UTP20: variants seen among roughly 807,000 people sequenced by gnomAD.
UTP20 encodes small subunit processome component 20 homolog.
A neutral mutation model predicts 329.5 loss-of-function variants in UTP20; 164 were observed. The ratio of observed to expected loss-of-function variants is 0.50; its 90% CI spans 0.44 to 0.57. The LOEUF is 0.57. Ranked by LOEUF, UTP20 falls within the 20% of genes least tolerant of loss-of-function variation. UTP20 has a pLI of 0.00. For synonymous variants in UTP20, 1,151 were observed against 1,159.3 expected (o/e 0.99, Z 0.14); for missense variants, 3,055 against 3,284.2 (o/e 0.93, Z 1.71).
At chr12:101,301,293 G>A (rs1044616824) in intron 14 of UTP20, among the ~76,000 whole-genome samples, 5 of 152,294 alleles carry the variant, frequency 3.3e-5, no homozygotes, top group Non-Finnish European at 4.4e-5. Context: ...GCTGAGGCGG[G>A]AGGATCACTT....
chr12:101,374,226 C>T (rs1197150417), intron 54 of UTP20, among the ~76,000 whole-genome samples: 2 of 149,878 alleles, frequency 1.3e-5, no homozygotes, highest in Admixed American at 6.6e-5. Context: ...CAGAGCGAGA[C>T]TCCGTCTCAA....
At chr12:101,338,325 A>G (rs1422320005) in intron 30 of UTP20, 48 bp downstream of exon 30, 8 of 1,583,898 alleles carry the variant, frequency 5.1e-6, no homozygotes, top group South Asian at 3.3e-5. Flanking sequence ...TGCTGTAGCA[A>G]TTGTTTCCTT....
In UTP20 at chr12:101,374,203, C is replaced by G. The variant is rs551748080; in HGVS notation, c.7131+436C>G. On this transcript the variant is annotated intron_variant, in intron 54 of 61. Transcript: ENST00000261637. ...TGAGCCGAGGTCCCGCCACTGCACTCCAGCCTGGGCGACAGAGCGAGACTC... is the reference window on the plus strand; with the variant it reads ...TGAGCCGAGGTCCCGCCACTGCACTGCAGCCTGGGCGACAGAGCGAGACTC... 6.0e-5 allele frequency among the ~76,000 whole-genome samples: 9 copies of G among 150,858 alleles called. No homozygotes were observed. In the East Asian group the frequency reaches 1.8e-3, roughly 29 times the overall value.
At chr12:101,306,099 T>C in intron 16 of UTP20, 34 bp downstream of exon 16, 1 of 1,576,652 alleles carries the variant, frequency 6.3e-7, no homozygotes, top group Non-Finnish European at 8.6e-7. Context: ...GTCCTCAGTC[T>C]CTCTTCTCCT....
intron 6 of UTP20, among the ~76,000 whole-genome samples, chr12:101,289,558 T>C (rs1872073568): frequency 6.6e-6 from 1 of 152,210 alleles, no homozygotes; most frequent in African/African-American, 2.4e-5. Context: ...GACTTATTTG[T>C]TGCTCACAAA....
intron 44 of UTP20, among the ~76,000 whole-genome samples, chr12:101,362,375 G>A (rs971873713): frequency 6.6e-6 from 1 of 152,106 alleles, no homozygotes; most frequent in Non-Finnish European, 1.5e-5. Context: ...GTTCACAGGA[G>A]CTTTATTTAT....
chr12:101,338,128 C>T lies in UTP20; in HGVS notation c.3719C>T (p.Ser1240Leu). 1 of 1,614,166 alleles carries T rather than the reference C, an allele frequency of 6.2e-7. No individual in the cohort carries two copies. ...DILTNVFAILSAKNLSDATAS... is the reference protein window; with the variant it reads ...DILTNVFAILLAKNLSDATAS... ...CTGACCAATGTTTTTGCAATTCTCT[C>T]AGCGAAGAATCTTTCTGATGCCACA... Residue 1240 changes from serine (S) to leucine (L), a missense_variant, in exon 30 of 62, where the codon TCA becomes TTA. Around this residue, in one of 3 missense-constraint regions of UTP20, gnomAD observed 2,445 missense variants for 2,575.5 expected, o/e 0.95. Transcript: ENST00000261637.
At position 101,299,570 on chromosome 12, in the gene UTP20, ATTCC is replaced by A. The variant is rs1872460020; in HGVS notation, c.1431-107_1431-104del. The stretch of plus-strand genomic sequence containing the variant: ...TTGTTTAGCTCAACCACCACCACCA[ATTCC>A]TTCCCTCTAATGCTCCACAATGGTA... On this transcript the variant is annotated intron_variant, in intron 12 of 61. Transcript: ENST00000261637. The A allele has an allele frequency of 3.8e-6, 4 of 1,042,116 alleles. No homozygotes were observed. In the South Asian group the frequency reaches 9.0e-5, roughly 23 times the overall value. The allele number at this position is 1,042,116 out of a possible 1,614,324, so 64.6% of individuals were successfully genotyped here.
chr12:101,286,103 A>G (rs180838462), intron 4 of UTP20, among the ~76,000 whole-genome samples: 83 of 152,314 alleles, frequency 5.4e-4, no homozygotes, highest in Non-Finnish European at 9.3e-4. Context: ...CTTTGACACT[A>G]TAGGAACAGT....
intron 21 of UTP20, 94 bp downstream of exon 21, chr12:101,312,370 T>G: frequency 2.0e-6 from 3 of 1,494,088 alleles, no homozygotes; most frequent in Non-Finnish European, 2.7e-6. Context: ...GTTCTTTGTT[T>G]TTTGCCTTCT....
chr12:101,338,125 T>C lies in UTP20; in HGVS notation c.3716T>C (p.Leu1239Pro), dbSNP rs1220190241. 6.2e-7 allele frequency: 1 copy of C among 1,614,180 alleles called. No homozygotes were observed. Among genetic ancestry groups the C allele is most frequent in the Admixed American group, 1.7e-5 (1 of 60,026 alleles). ...CDILTNVFAI[L>P]SAKNLSDATA... Reference sequence around the variant, plus strand: ...ATCCTGACCAATGTTTTTGCAATTCTCTCAGCGAAGAATCTTTCTGATGCC... The same window carrying C: ...ATCCTGACCAATGTTTTTGCAATTCCCTCAGCGAAGAATCTTTCTGATGCC... The change falls in exon 30 of 62, where the codon CTC (leucine) becomes CCC (proline). Residue 1239 changes from leucine to proline, a missense_variant. Coordinates refer to ENST00000261637, the MANE Select transcript of UTP20 (RefSeq NM_014503.3).
Position 101,338,136 on chromosome 12 carries a change from A to C in UTP20, c.3727A>C (p.Asn1243His). The change falls in exon 30 of 62, where the codon AAT becomes CAT. Residue 1243 changes from asparagine (N) to histidine (H), a missense_variant. Physicochemically the swap from Asn to His is moderately conservative, Grantham distance 68. This residue lies in a region of UTP20 where 2,445 missense variants were observed against 2,575.5 expected (regional missense o/e 0.95). Transcript: ENST00000261637. ...TNVFAILSAK[N>H]LSDATASIVM... Reference sequence around the variant, plus strand: ...TGTTTTTGCAATTCTCTCAGCGAAGAATCTTTCTGATGCCACAGCCAGTAT... The same window carrying C: ...TGTTTTTGCAATTCTCTCAGCGAAGCATCTTTCTGATGCCACAGCCAGTAT... 1 of 1,614,202 alleles carries C rather than the reference A, an allele frequency of 6.2e-7. No homozygotes were observed. The highest frequency in any genetic ancestry group is 8.5e-7 in the Non-Finnish European group (1 of 1,180,032).
At chr12:101,385,825 G>T (rs1870808913) in intron 61 of UTP20, 97 bp downstream of exon 61, 3 of 1,515,122 alleles carry the variant, frequency 2.0e-6, no homozygotes, top group Non-Finnish European at 2.6e-6. Flanking sequence ...AGGATCAAGG[G>T]TTTGAGCGGT....
At chr12:101,308,734 G>GTTTTTTT (rs34029914) in intron 18 of UTP20, among the ~76,000 whole-genome samples, 3 of 144,116 alleles carry the variant, frequency 2.1e-5, no homozygotes. Context: ...AGCTCTCTAT[G>GTTTTTTT]TTTTTTTTTT....
At chr12:101,299,321 T>G (rs1365445136) in intron 12 of UTP20, among the ~76,000 whole-genome samples, 1 of 152,198 alleles carries the variant, frequency 6.6e-6, no homozygotes, top group Non-Finnish European at 1.5e-5. Context: ...TTGTGGAAAG[T>G]AGTAAAATTC....
At chr12:101,300,212 G>A in intron 14 of UTP20, 151 bp downstream of exon 14, 2 of 812,136 alleles carry the variant, frequency 2.5e-6, no homozygotes, top group Non-Finnish European at 3.9e-6. Context: ...GATATGATGG[G>A]CATGTCTCAC....
rs1869994994 is a variant in UTP20 at position 101,363,571 on chromosome 12, C to A, written c.5791-5C>A. 1 of 1,605,154 alleles carries A rather than the reference C, an allele frequency of 6.2e-7. No homozygotes were observed. Among genetic ancestry groups the A allele is most frequent in the East Asian group, 2.2e-5 (1 of 44,756 alleles). ...TAATTGCCATTTGTCCTTTTTCTTC[C>A]AAAGATTTTTAACCATGAGTTGTTT... On this transcript the variant is annotated splice_polypyrimidine_tract_variant and splice_region_variant and intron_variant, in intron 44 of 61. Coordinates refer to ENST00000261637, the MANE Select transcript of UTP20 (RefSeq NM_014503.3).
chr12:101,345,381 T>A (rs1387943734), intron 36 of UTP20, among the ~76,000 whole-genome samples, 173 bp from the exon 37 acceptor site: 1 of 152,090 alleles, frequency 6.6e-6, no homozygotes, highest in East Asian at 1.9e-4. Flanking sequence ...GAGACAGGAT[T>A]TCACCATGTT....
rs750590866 is a variant in UTP20, at chr12:101,340,587, C to T, written c.4078C>T (p.Leu1360Phe). ...SVLITLLLPF[L>F]HRGNIAEDTE... is the part of the protein sequence containing the mutation. ...ACTCATTACGCTTCTCCTTCCATTC[C>T]TCCACCGTGGCAATATTGCTGAGGT... Residue 1360 changes from leucine to phenylalanine, a missense_variant, in exon 32 of 62, where the codon CTC becomes TTC. Physicochemically the swap from Leu to Phe is conservative, Grantham distance 22 (BLOSUM62 0). Transcript: ENST00000261637. The T allele has an allele frequency of 8.7e-6, 14 of 1,611,616 alleles. No individual in the cohort carries two copies. The South Asian group carries it at 1.1e-4, about 13-fold the overall frequency.
Sources: gnomAD v4.1 joint callset for allele counts (sites outside exome capture counted in the v4.1 genomes callset) on GRCh38, gnomAD v4.1.1 for gene constraint, gnomAD v4.1.1 regional missense constraint, MANE v1.5 for transcripts, NCBI Gene and HGNC (gene_info 2026-07-23, HGNC 2026-07-21) for gene names.